The following ZNF350 variants were observed in gnomAD, a reference collection of about 807,000 sequenced individuals.
ZNF350 encodes the protein KRAB zinc finger protein ZFQR.
Under a neutral mutation model 13.1 loss-of-function variants are expected in ZNF350, and 5 were observed. That is an observed-to-expected ratio of 0.38 (90% CI 0.20 to 0.80). The LOEUF (loss-of-function observed/expected upper bound fraction) is 0.80, where lower values mean the gene tolerates loss of function less well. ZNF350 is among the 30% of genes least tolerant of loss of function. The pLI is 0.43. For missense variants in ZNF350, 534 were observed against 644.2 expected (o/e 0.83, Z 1.85); for synonymous variants, 199 against 224.2 (o/e 0.89, Z 1.00).
chr19:51,968,513 G>T lies in ZNF350; in HGVS notation c.238+65C>A, dbSNP rs1054179703. ...ATATCCTCAAACCCCCTTCACAGCTGTGCTGCCTTCTCTGACTGTCTAGAA... is the reference window on the plus strand; with the variant it reads ...ATATCCTCAAACCCCCTTCACAGCTTTGCTGCCTTCTCTGACTGTCTAGAA... On this transcript the variant is annotated intron_variant, in intron 4 of 4. Transcript: ENST00000243644. The T allele has an allele frequency of 4.1e-5, 58 of 1,411,482 alleles. 1 individual carries two copies. The highest frequency in any genetic ancestry group is 1.8e-4 in the Middle Eastern group (1 of 5,708). 87.4% of individuals were successfully genotyped at this position (1,411,482 alleles called of 1,614,324 possible). A position where few individuals can be genotyped will look rare whatever the true frequency, so the allele number is the denominator to read the frequency against.
chr19:51,978,835 G>C (rs2085961572), intron 1 of ZNF350, among the ~76,000 whole-genome samples: 1 of 152,152 alleles, frequency 6.6e-6, no homozygotes, highest in Non-Finnish European at 1.5e-5. Flanking sequence ...GACTCCAGCA[G>C]AAAGACATTG....
In ZNF350 at chr19:51,964,599, T is replaced by A; in HGVS notation, c.*255A>T. ...CAATTATCTCATCTGTTTTAAAAAT[T>A]CACAGTACTTCATTTCCTCCACTTA... On this transcript the variant is annotated 3_prime_UTR_variant, in exon 5 of 5. Coordinates refer to ENST00000243644, the MANE Select transcript of ZNF350 (RefSeq NM_021632.4). 2.0e-6 allele frequency: 1 copy of A among 501,194 alleles called. No individual in the cohort carries two copies. 31.0% of individuals were successfully genotyped at this position (501,194 alleles called of 1,614,324 possible).
chr19:51,974,294 C>T (rs1360552811), intron 2 of ZNF350, 52 bp downstream of exon 2: 1 of 1,599,506 alleles, frequency 6.3e-7, no homozygotes, highest in South Asian at 1.1e-5. Flanking sequence ...TAGGCTTCTA[C>T]AAATCTATTA....
intron 4 of ZNF350, among the ~76,000 whole-genome samples, chr19:51,966,518 A>T (rs2085579909): frequency 6.6e-6 from 1 of 151,556 alleles, no homozygotes; most frequent in Non-Finnish European, 1.5e-5. Flanking sequence ...TCCTGACCTC[A>T]GGTGAGCCAT....
At chr19:51,970,184 C>T (rs1351345582) in intron 2 of ZNF350, among the ~76,000 whole-genome samples, 4 of 151,762 alleles carry the variant, frequency 2.6e-5, no homozygotes, top group Admixed American at 1.3e-4. Flanking sequence ...GCCTCAGCCT[C>T]CCGAGTAGCT....
intron 2 of ZNF350, among the ~76,000 whole-genome samples, 187 bp from the exon 3 acceptor site, chr19:51,969,318 A>C (rs1471195060): frequency 6.6e-6 from 1 of 152,012 alleles, no homozygotes; most frequent in Non-Finnish European, 1.5e-5. Context: ...GTCATCCTCC[A>C]TTCACCCAAT....
intron 1 of ZNF350, among the ~76,000 whole-genome samples, chr19:51,975,235 G>A (rs897503082): frequency 1.3e-5 from 2 of 152,064 alleles, no homozygotes; most frequent in East Asian, 1.9e-4. Flanking sequence ...TTGGGATGCC[G>A]AGGCGGGTGG....
At chr19:51,981,790 CT>C (rs1238694031) in intron 1 of ZNF350, 13 of 152,238 alleles carry the variant, frequency 8.5e-5, no homozygotes, top group African/African-American at 2.9e-4. Flanking sequence ...ATGTATACCC[CT>C]AACAACAGTC....
intron 1 of ZNF350, among the ~76,000 whole-genome samples, chr19:51,978,177 A>G (rs1028931551): frequency 2.6e-5 from 4 of 152,146 alleles, no homozygotes; most frequent in Non-Finnish European, 4.4e-5. Context: ...CCCAATGCAG[A>G]CCACAACCCC....
At chr19:51,975,443 A>AAC (rs1568483938) in intron 1 of ZNF350, among the ~76,000 whole-genome samples, 1 of 151,506 alleles carries the variant, frequency 6.6e-6, no homozygotes, top group African/African-American at 2.4e-5. Flanking sequence ...AAAAAAAAAA[A>AAC]AAAAAAAAAC....
intron 2 of ZNF350, among the ~76,000 whole-genome samples, chr19:51,971,170 C>T (rs957247459): frequency 9.2e-5 from 14 of 152,186 alleles, no homozygotes; most frequent in African/African-American, 3.4e-4. Flanking sequence ...GCAGAAGGTA[C>T]ACTCTATACT....
At position 51,971,877 on chromosome 19, in the gene ZNF350, TAC is replaced by T. The variant is rs1305593760; in HGVS notation, c.15+2467_15+2468del. 2.0e-5 allele frequency among the ~76,000 whole-genome samples: 3 copies of T among 152,196 alleles called. No individual in the cohort carries two copies. In the East Asian group the frequency reaches 5.8e-4, roughly 29 times the overall value. Reference sequence around the variant, plus strand: ...CAAACAGGGACAGAATTGGGTGCTCTACACCCTCTCCTTGAGCAGGGACTGGC... The same window carrying T: ...CAAACAGGGACAGAATTGGGTGCTCTACCCTCTCCTTGAGCAGGGACTGGC... On this transcript the variant is annotated intron_variant, in intron 2 of 4. Coordinates refer to ENST00000243644, the MANE Select transcript of ZNF350 (RefSeq NM_021632.4).
intron 2 of ZNF350, among the ~76,000 whole-genome samples, chr19:51,969,501 A>C (rs909935149): frequency 3.9e-5 from 6 of 152,162 alleles, no homozygotes; most frequent in Non-Finnish European, 8.8e-5. Flanking sequence ...TATTGGTTCC[A>C]GGACCTCCTG....
At chr19:51,981,892 G>A (rs1258488883) in intron 1 of ZNF350, 1 of 151,976 alleles carries the variant, frequency 6.6e-6, no homozygotes, top group Admixed American at 6.5e-5. Flanking sequence ...GTAACTGACA[G>A]AACAGACCAT....
rs2085892911 is a variant in ZNF350, at chr19:51,976,207, C to G, written c.-171-1676G>C. On this transcript the variant is annotated intron_variant, in intron 1 of 4. Transcript: ENST00000243644. The surrounding 1 kb of genome is among the most constrained non-coding windows in gnomAD (Gnocchi z 4.5). ...GAGAATGCAGTCTTGCAAGACTACT[C>G]TGGACCGAGCAGCTGACCCCTTCTT... Among the ~76,000 whole-genome samples the G allele has an allele frequency of 6.6e-6, 1 of 152,102 alleles. No homozygotes were observed. The highest frequency in any genetic ancestry group is 2.4e-5 in the African/African-American group (1 of 41,390).
At chr19:51,978,605 A>G (rs1235350247) in intron 1 of ZNF350, among the ~76,000 whole-genome samples, 1 of 152,176 alleles carries the variant, frequency 6.6e-6, no homozygotes, top group Non-Finnish European at 1.5e-5. Context: ...ATAGCCTCTA[A>G]TAGACCTACC....
rs773118918 is a variant in ZNF350, at chr19:51,964,896, G to A, written c.1557C>T (p.Ser519=). 1.7e-5 allele frequency: 28 copies of A among 1,612,966 alleles called. No homozygotes were observed. Among genetic ancestry groups the A allele is most frequent in the East Asian group, 4.5e-5 (2 of 44,852 alleles). ...LVNAVNVVVP[S]VINYVLFYVT... ...CATAAAATAAGACATAATTGATCAC[G>A]GAAGGCACAACCACATTCACTGCAT... Residue 519 remains serine (S), a synonymous_variant, in exon 5 of 5, where the codon TCC becomes TCT. Coordinates refer to ENST00000243644, the MANE Select transcript of ZNF350 (RefSeq NM_021632.4).
chr19:51,974,346 C>T lies in ZNF350; in HGVS notation c.15G>A (p.Gln5=), dbSNP rs1326378719. 1 of 1,613,620 alleles carries T rather than the reference C, an allele frequency of 6.2e-7. No homozygotes were observed. The highest frequency in any genetic ancestry group is 1.3e-5 in the African/African-American group (1 of 74,904). Residue 5 remains glutamine (Q), a splice_region_variant and synonymous_variant, in exon 2 of 5, where the codon CAG becomes CAA. Transcript: ENST00000243644. The part of the protein sequence containing the change: MIQA[Q]ESITLEDVAV... The stretch of plus-strand genomic sequence containing the variant: ...ATAAAACAAACCAAAAGTCAGTTAC[C>T]TGGGCCTGGATCATTTTCTTCTGTT...
intron 1 of ZNF350, among the ~76,000 whole-genome samples, chr19:51,975,182 A>G (rs1335242313): frequency 6.6e-6 from 1 of 152,210 alleles, no homozygotes; most frequent in Non-Finnish European, 1.5e-5. Flanking sequence ...AATTAACACT[A>G]GTAAGTCCAG....
Sources: allele counts gnomAD v4.1 joint callset (sites outside exome capture counted in the v4.1 genomes callset), GRCh38; gene constraint gnomAD v4.1.1; non-coding constraint Gnocchi (gnomAD v3.1); transcripts MANE v1.5; gene names NCBI Gene and HGNC (gene_info 2026-07-23, HGNC 2026-07-21).